Variants in A2ML1 observed in about 807,000 individuals in gnomAD.
A2ML1 encodes the protein alpha-2-macroglobulin-like protein 1.
In A2ML1, 161 loss-of-function variants were observed where a neutral mutation model predicts 181.9. That is an observed-to-expected ratio of 0.89 (90% CI 0.78 to 1.01). The LOEUF (loss-of-function observed/expected upper bound fraction) is 1.01. Among genes scored for constraint, A2ML1 ranks in the 50% least tolerant of loss-of-function variants. The pLI, the probability that A2ML1 is intolerant of heterozygous loss-of-function variation, is 0.00. For missense variants in A2ML1, 1,670 were observed against 1,768.1 expected, an observed-to-expected ratio of 0.94 and a Z score of 1.00; for synonymous variants, 663 against 666.8, an observed-to-expected ratio of 0.99 and a Z score of 0.09.
At position 8,849,753 on chromosome 12, in the gene A2ML1, A is replaced by T. The variant is rs373817400; in HGVS notation, c.2113A>T (p.Met705Leu). The T allele has an allele frequency of 6.2e-7, 1 of 1,614,132 alleles. No homozygotes were observed. Among genetic ancestry groups the T allele is most frequent in the South Asian group, 1.1e-5 (1 of 91,076 alleles). ...SHRSPEYSTA[M>L]GAGGGHPEAF... The stretch of plus-strand genomic sequence containing the variant: ...CAGATCTCCAGAATACAGCACTGCT[A>T]TGGGTGGTAAGCCACCTCTGTGGTC... Residue 705 changes from methionine to leucine, a missense_variant, in exon 17 of 36, where the codon ATG becomes TTG. Met to Leu is a conservative substitution (Grantham distance 15). Coordinates refer to ENST00000299698, the MANE Select transcript of A2ML1 (RefSeq NM_144670.6).
rs1944369866 is a variant in A2ML1, at chr12:8,864,264, G to C, written c.3717+256G>C. On this transcript the variant is annotated intron_variant, in intron 29 of 35. Transcript: ENST00000299698. ...ATGGTGGCTCATGCCTGTCATCGCA[G>C]CACTTTGAGAGGCCGAGGCAGGCGG... Among the ~76,000 whole-genome samples, 4 of 131,812 alleles carry C rather than the reference G, an allele frequency of 3.0e-5. No individual in the cohort carries two copies. The East Asian group carries it at 9.1e-4, about 30-fold the overall frequency. 86.5% of individuals were successfully genotyped at this position (131,812 alleles called of 152,430 possible). A position where few individuals can be genotyped will look rare whatever the true frequency, so the allele number is the denominator to read the frequency against.
chr12:8,835,804 G>A, intron 6 of A2ML1, 138 bp downstream of exon 6: 1 of 1,042,310 alleles, frequency 9.6e-7, no homozygotes, highest in Non-Finnish European at 1.4e-6. Context: ...ATGAGGTCAG[G>A]AGATCGAGAC....
Position 8,866,872 on chromosome 12 carries a change from T to C in A2ML1, c.3718-970T>C, listed in dbSNP as rs768273941. 2.0e-5 allele frequency among the ~76,000 whole-genome samples: 3 copies of C among 152,322 alleles called. No individual in the cohort carries two copies. The South Asian group carries it at 6.2e-4, about 32-fold the overall frequency. ...TGTAATAGATATTTTTTGTAATAGATATTTTACACGAGTGAGATATAACAA... is the reference window on the plus strand; with the variant it reads ...TGTAATAGATATTTTTTGTAATAGACATTTTACACGAGTGAGATATAACAA... On this transcript the variant is annotated intron_variant, in intron 29 of 35. Coordinates refer to ENST00000299698, the MANE Select transcript of A2ML1 (RefSeq NM_144670.6).
chr12:8,830,793 C>CT (rs1943085967), intron 4 of A2ML1: 2 of 152,136 alleles, frequency 1.3e-5, no homozygotes, highest in Admixed American at 6.5e-5. Flanking sequence ...CTGCTGTTTC[C>CT]TTTCCCTATG....
Position 8,860,945 on chromosome 12 carries a change from A to G in A2ML1, c.3329A>G (p.Lys1110Arg), listed in dbSNP as rs777692456. 8 of 1,614,086 alleles carry G rather than the reference A, an allele frequency of 5.0e-6. No individual in the cohort carries two copies. The highest frequency in any genetic ancestry group is 6.8e-6 in the Non-Finnish European group (8 of 1,180,028). ...ACAGCTGCATTGCTGGAGATGGGAA[A>G]GGATGTAGATGTAAGTTCTCCTGGC... is the stretch of plus-strand genomic sequence containing the variant. ...YVTAALLEMG[K>R]DVDDPMVSQG... is the part of the protein sequence containing the mutation. The change falls in exon 27 of 36, where the codon AAG becomes AGG. Residue 1110 changes from lysine (K) to arginine (R), a missense_variant. Lys to Arg is a conservative substitution (Grantham distance 26). Transcript: ENST00000299698.
intron 8 of A2ML1, among the ~76,000 whole-genome samples, chr12:8,837,895 A>G (rs1943340864): frequency 6.8e-6 from 1 of 147,496 alleles, no homozygotes; most frequent in Non-Finnish European, 1.5e-5. Flanking sequence ...CCCACCGAAA[A>G]AAAAAAAAAA....
In A2ML1 at chr12:8,841,419, T is replaced by C. The variant is rs974382868; in HGVS notation, c.1131T>C (p.Phe377=). Residue 377 remains phenylalanine, a synonymous_variant, in exon 11 of 36, where the codon TTT becomes TTC. Transcript: ENST00000299698. ...CCTTCCTCAAGAACCATCTAGTGTT[T>C]CTGGTGATTTATGGCACAAATGGAA... The part of the protein sequence containing the change: ...DDSFLKNHLV[F]LVIYGTNGTF... The C allele has an allele frequency of 1.2e-6, 2 of 1,614,150 alleles. No individual in the cohort carries two copies. Among genetic ancestry groups the C allele is most frequent in the Non-Finnish European group, 8.5e-7 (1 of 1,180,024 alleles).
At chr12:8,861,008 A>G (rs888356749) in intron 27 of A2ML1, 53 bp downstream of exon 27, 5 of 1,609,636 alleles carry the variant, frequency 3.1e-6, no homozygotes, top group East Asian at 2.2e-5. Flanking sequence ...GCGTATTCCT[A>G]GAGACATTCA....
chr12:8,840,228 C>T (rs963381039), intron 10 of A2ML1, among the ~76,000 whole-genome samples: 4 of 151,896 alleles, frequency 2.6e-5, no homozygotes, highest in Non-Finnish European at 4.4e-5. Flanking sequence ...GGCATGGTGG[C>T]GCATGCCTAT....
At chr12:8,887,272 G>A (rs1271607305), downstream of A2ML1, among the ~76,000 whole-genome samples, 3 of 152,198 alleles carry the variant, frequency 2.0e-5, no homozygotes, top group Non-Finnish European at 4.4e-5. Context: ...AGTTATGCTA[G>A]AATAGACATG....
intron 18 of A2ML1, 30 bp downstream of exon 18, chr12:8,850,304 G>T: frequency 6.4e-7 from 1 of 1,557,986 alleles, no homozygotes; most frequent in South Asian, 1.2e-5. Flanking sequence ...TACAGTAAAG[G>T]GCCAGGTGCA....
intron 4 of A2ML1, among the ~76,000 whole-genome samples, chr12:8,832,785 G>A (rs1943158626): frequency 6.6e-6 from 1 of 152,028 alleles, no homozygotes; most frequent in Admixed American, 6.6e-5. Context: ...AGATAGCGTT[G>A]GTTAGGTCTG....
intron 17 of A2ML1, 67 bp from the exon 18 acceptor site, chr12:8,850,093 A>C (rs762391126): frequency 1.6e-6 from 2 of 1,258,068 alleles, no homozygotes; most frequent in Non-Finnish European, 2.2e-6. Flanking sequence ...TAATCCCTCC[A>C]TCCCAATTTA....
chr12:8,829,074 A>T (rs1488018790), intron 3 of A2ML1, among the ~76,000 whole-genome samples: 1 of 152,206 alleles, frequency 6.6e-6, no homozygotes, highest in Admixed American at 6.5e-5. Context: ...TACCCTCTTC[A>T]GTGCCTCTTT....
At position 8,854,803 on chromosome 12, in the gene A2ML1, G is replaced by C; in HGVS notation, c.2736G>C (p.Lys912Asn). The C allele has an allele frequency of 6.2e-7, 1 of 1,614,048 alleles. No individual in the cohort carries two copies. Among genetic ancestry groups the C allele is most frequent in the Non-Finnish European group, 8.5e-7 (1 of 1,180,020 alleles). Residue 912 changes from lysine (K) to asparagine (N), a missense_variant, in exon 22 of 36, where the codon AAG (lysine) becomes AAC (asparagine). Coordinates refer to ENST00000299698, the MANE Select transcript of A2ML1 (RefSeq NM_144670.6). ...AGCCTGAGGGAGTCCTGGTGGAGAA[G>C]ACACACAGCTCATTGCTGTGCCCAA... Reference protein sequence around the residue: ...LVKPEGVLVEKTHSSLLCPKG... With the variant: ...LVKPEGVLVENTHSSLLCPKG...
At chr12:8,869,086 G>C in intron 32 of A2ML1, 49 bp from the exon 33 acceptor site, 1 of 1,585,386 alleles carries the variant, frequency 6.3e-7, no homozygotes, top group Admixed American at 1.7e-5. Flanking sequence ...GACTACCCCA[G>C]GGAAGGCTCT....
chr12:8,870,574 G>A (rs755926366), intron 33 of A2ML1, among the ~76,000 whole-genome samples: 22 of 152,282 alleles, frequency 1.4e-4, no homozygotes, highest in African/African-American at 5.3e-4. Context: ...GCCGAGTTGT[G>A]TATAGTTTCT....
chr12:8,844,384 G>A (rs1280255326), intron 12 of A2ML1, among the ~76,000 whole-genome samples: 1 of 152,078 alleles, frequency 6.6e-6, no homozygotes, highest in East Asian at 1.9e-4. Flanking sequence ...CTGCAGGCAT[G>A]AGCCACCGAG....
In A2ML1 at chr12:8,861,229, C is replaced by T. The variant is rs768331924; in HGVS notation, c.3434C>T (p.Ser1145Phe). Residue 1145 changes from serine (S) to phenylalanine (F), a missense_variant, in exon 28 of 36, where the codon TCC (serine) becomes TTC (phenylalanine). Ser to Phe is a radical substitution (Grantham distance 155). Transcript: ENST00000299698. The stretch of plus-strand genomic sequence containing the variant: ...CAGGCCCTGTTGGCTTACATTTTCT[C>T]CCTGGCTGGGGAAATGGACATCAGA... ...YTQALLAYIF[S>F]LAGEMDIRNI... 1 of 1,614,138 alleles carries T rather than the reference C, an allele frequency of 6.2e-7. No homozygotes were observed. The highest frequency in any genetic ancestry group is 1.7e-5 in the Admixed American group (1 of 60,018).
Sources: allele counts gnomAD v4.1 joint callset (sites outside exome capture counted in the v4.1 genomes callset), GRCh38; gene constraint gnomAD v4.1.1; transcripts MANE v1.5; gene names NCBI Gene and HGNC (gene_info 2026-07-23, HGNC 2026-07-21).